CATSPERT: variants seen among roughly 807,000 people sequenced by gnomAD.
The protein encoded by CATSPERT is cation channel sperm-associated targeting subunit tau.
the CATSPERT span, among the ~76,000 whole-genome samples, chr2:201,604,396 A>T: frequency 3.0e-4 from 46 of 152,252 alleles, no homozygotes; most frequent in Middle Eastern, 3.4e-3. Flanking sequence ...GGTAATTCCG[A>T]TATAACTAGA....
chr2:201,533,341 C>T, the CATSPERT span, among the ~76,000 whole-genome samples: 2 of 152,182 alleles, frequency 1.3e-5, no homozygotes, highest in Non-Finnish European at 2.9e-5. Context: ...GAAGTTATTT[C>T]TTATGGAAAA....
At chr2:201,543,916 T>C in the CATSPERT span, among the ~76,000 whole-genome samples, 1 of 152,150 alleles carries the variant, frequency 6.6e-6, no homozygotes, top group Non-Finnish European at 1.5e-5. Flanking sequence ...CATACAGATT[T>C]GTTACATATG....
At chr2:201,595,281 C>T in the CATSPERT span, among the ~76,000 whole-genome samples, 247 of 151,348 alleles carry the variant, frequency 1.6e-3, 1 homozygote, top group African/African-American at 5.4e-3. Flanking sequence ...CTCCGCCTCC[C>T]GGGTTCACGC....
chr2:201,503,607 A>G, the CATSPERT span, among the ~76,000 whole-genome samples: 1 of 152,138 alleles, frequency 6.6e-6, no homozygotes, highest in Admixed American at 6.5e-5. Flanking sequence ...TTTGTTACCC[A>G]GGCTGGTCTT....
the CATSPERT span, among the ~76,000 whole-genome samples, chr2:201,610,317 G>T: frequency 6.6e-6 from 1 of 152,042 alleles, no homozygotes; most frequent in Non-Finnish European, 1.5e-5. Context: ...AATTAGCCGG[G>T]CGTGGTGGCG....
At chr2:201,586,008 C>T in the CATSPERT span, among the ~76,000 whole-genome samples, 4 of 152,196 alleles carry the variant, frequency 2.6e-5, no homozygotes, top group Admixed American at 2.6e-4. Flanking sequence ...AACCTCTCTT[C>T]TTTCTCAGCC....
At chr2:201,534,062 ATC>A in the CATSPERT span, among the ~76,000 whole-genome samples, 1 of 151,574 alleles carries the variant, frequency 6.6e-6, no homozygotes, top group Non-Finnish European at 1.5e-5. Context: ...CTATCTATCT[ATC>A]TATCTATCTA....
At chr2:201,617,798 C>T in the CATSPERT span, among the ~76,000 whole-genome samples, 2 of 151,950 alleles carry the variant, frequency 1.3e-5, no homozygotes, top group Non-Finnish European at 2.9e-5. Context: ...AAAATTTTTG[C>T]AATCTATCCA....
the CATSPERT span, among the ~76,000 whole-genome samples, chr2:201,562,526 A>ATT: frequency 1.4e-5 from 2 of 147,170 alleles, no homozygotes; most frequent in African/African-American, 5.0e-5. Context: ...TTATTTATTT[A>ATT]TTTTTTTTAT....
At chr2:201,547,812 G>A in the CATSPERT span, among the ~76,000 whole-genome samples, 5 of 152,134 alleles carry the variant, frequency 3.3e-5, no homozygotes, top group Admixed American at 2.6e-4. Context: ...CCTGGGGATG[G>A]TTAAGGAGAG....
At chr2:201,585,984 G>A in the CATSPERT span, among the ~76,000 whole-genome samples, 1 of 152,032 alleles carries the variant, frequency 6.6e-6, no homozygotes, top group Non-Finnish European at 1.5e-5. Context: ...CGCCACCCTT[G>A]AGACAGCAAG....
At chr2:201,582,832 C>T in the CATSPERT span, among the ~76,000 whole-genome samples, 1 of 152,046 alleles carries the variant, frequency 6.6e-6, no homozygotes, top group Non-Finnish European at 1.5e-5. Flanking sequence ...CCTAAGAATC[C>T]AGGTGCCTTC....
chr2:201,493,274 A>G, the CATSPERT span: 1 of 1,536,584 alleles, frequency 6.5e-7, no homozygotes, highest in Non-Finnish European at 8.7e-7. Context: ...TTTGCTATTG[A>G]ATAATAACTT....
chr2:201,508,653 A>G, the CATSPERT span, among the ~76,000 whole-genome samples: 1 of 152,212 alleles, frequency 6.6e-6, no homozygotes, highest in Admixed American at 6.5e-5. Context: ...CCGAGGTGGA[A>G]GGATGGCTTG....
chr2:201,538,645 T>C, the CATSPERT span, among the ~76,000 whole-genome samples: 1 of 152,126 alleles, frequency 6.6e-6, no homozygotes, highest in South Asian at 2.1e-4. Context: ...ACCACACCCA[T>C]CTAAGATAGC....
the CATSPERT span, among the ~76,000 whole-genome samples, chr2:201,580,276 G>A: frequency 1.3e-5 from 2 of 152,124 alleles, no homozygotes; most frequent in South Asian, 2.1e-4. Flanking sequence ...GGTTAAAGTG[G>A]CAACTACCAC....
chr2:201,524,845 C>T, the CATSPERT span, among the ~76,000 whole-genome samples: 1 of 152,064 alleles, frequency 6.6e-6, no homozygotes, highest in Non-Finnish European at 1.5e-5. Flanking sequence ...AGACTTTAAG[C>T]CAACAACGAT....
the CATSPERT span, among the ~76,000 whole-genome samples, chr2:201,611,080 T>C: frequency 6.6e-6 from 1 of 152,084 alleles, no homozygotes; most frequent in African/African-American, 2.4e-5. Flanking sequence ...GAATGCCCAC[T>C]TTCACCACTG....
At chr2:201,560,322 C>T in the CATSPERT span, among the ~76,000 whole-genome samples, 3 of 151,700 alleles carry the variant, frequency 2.0e-5, no homozygotes, top group African/African-American at 7.3e-5. Context: ...TACTCGGAGG[C>T]TGAGGCACGA....
Sources: allele counts gnomAD v4.1 joint callset (sites outside exome capture counted in the v4.1 genomes callset), GRCh38; gene constraint gnomAD v4.1.1; transcripts MANE v1.5; gene names NCBI Gene and HGNC (gene_info 2026-07-23, HGNC 2026-07-21).